The following GULP1 variants were observed in gnomAD, a reference collection of about 807,000 sequenced individuals.
GULP1 encodes GULP PTB domain containing engulfment adaptor 1, also known as PTB domain-containing engulfment adapter protein 1.
In GULP1, 19 loss-of-function variants were observed where a neutral mutation model predicts 40.9. The ratio of observed to expected loss-of-function variants is 0.46; its 90% confidence interval spans 0.32 to 0.68. GULP1 has a LOEUF of 0.68. Among genes scored for constraint, GULP1 ranks in the 30% least tolerant of loss-of-function variants. The pLI is 0.03. For missense variants in GULP1, 312 were observed against 362.2 expected (o/e 0.86, Z 1.12); for synonymous variants, 119 against 117.6 (o/e 1.01, Z -0.08).
chr2:188,447,031 G>A (rs967251339), intron 2 of GULP1, among the ~76,000 whole-genome samples: 1 of 152,114 alleles, frequency 6.6e-6, no homozygotes, highest in African/African-American at 2.4e-5. Context: ...AGGGAGACAC[G>A]AGACATCAAT....
intron 6 of GULP1, among the ~76,000 whole-genome samples, chr2:188,535,787 G>A (rs755178634): frequency 1.6e-4 from 25 of 152,028 alleles, no homozygotes; most frequent in Non-Finnish European, 3.2e-4. Context: ...TCTCCATAGT[G>A]GCTGAACTAA....
Position 188,476,926 on chromosome 2 carries a change from T to G in GULP1, c.-44-733T>G, listed in dbSNP as rs543860780. 9.2e-5 allele frequency among the ~76,000 whole-genome samples: 14 copies of G among 152,236 alleles called. No homozygotes were observed. The South Asian group carries it at 2.9e-3, about 32-fold the overall frequency. On this transcript the variant is annotated intron_variant, in intron 2 of 11. Transcript: ENST00000409830. ...TTGTTTTTTACACGAAGTCATTAAATATATAAAATGGAAATATCTCAATTG... is the reference window on the plus strand; with the variant it reads ...TTGTTTTTTACACGAAGTCATTAAAGATATAAAATGGAAATATCTCAATTG...
chr2:188,357,778 C>A lies in GULP1; in HGVS notation c.-171-25985C>A, dbSNP rs572075616. On this transcript the variant is annotated intron_variant, in intron 1 of 11. Coordinates refer to ENST00000409830, the MANE Select transcript of GULP1 (RefSeq NM_016315.4). ...TATTGTAGTGCTAATCAAGATATGTCCATTAACAATAGCCGAGATATGGAA... is the reference window on the plus strand; with the variant it reads ...TATTGTAGTGCTAATCAAGATATGTACATTAACAATAGCCGAGATATGGAA... Among the ~76,000 whole-genome samples, 13 of 152,102 alleles carry A rather than the reference C, an allele frequency of 8.5e-5. No homozygotes were observed. The South Asian group carries it at 2.7e-3, about 32-fold the overall frequency.
At chr2:188,426,080 C>T (rs2056159166) in intron 2 of GULP1, among the ~76,000 whole-genome samples, 1 of 152,084 alleles carries the variant, frequency 6.6e-6, no homozygotes, top group Non-Finnish European at 1.5e-5. Context: ...AGGCAAGTTA[C>T]AGGCAAATAC....
chr2:188,568,866 C>G (rs748042334), intron 7 of GULP1, among the ~76,000 whole-genome samples: 3 of 152,090 alleles, frequency 2.0e-5, no homozygotes, highest in Non-Finnish European at 2.9e-5. Flanking sequence ...ACATTTGGCA[C>G]TCTGCTTTCA....
At chr2:188,365,163 C>T (rs1216389438) in intron 1 of GULP1, among the ~76,000 whole-genome samples, 1 of 152,070 alleles carries the variant, frequency 6.6e-6, no homozygotes, top group Admixed American at 6.6e-5. Flanking sequence ...ATGCAGCTGG[C>T]TAGAAATATG....
At chr2:188,567,554 C>G (rs1350025299) in intron 7 of GULP1, among the ~76,000 whole-genome samples, 1 of 152,038 alleles carries the variant, frequency 6.6e-6, no homozygotes, top group Non-Finnish European at 1.5e-5. Context: ...AACCAAACAC[C>G]ACATGTTCTC....
chr2:188,592,468 C>CA (rs1703757017), intron 11 of GULP1: 1 of 151,762 alleles, frequency 6.6e-6, no homozygotes, highest in Non-Finnish European at 1.5e-5. Context: ...ATAAATATGG[C>CA]AAAATGTATT....
chr2:188,376,054 CA>C (rs1159217776), intron 1 of GULP1, among the ~76,000 whole-genome samples: 3 of 151,958 alleles, frequency 2.0e-5, no homozygotes, highest in Non-Finnish European at 4.4e-5. Flanking sequence ...ATTTCAGATG[CA>C]AACCCTGTGG....
intron 2 of GULP1, among the ~76,000 whole-genome samples, chr2:188,451,951 C>T (rs1373535600): frequency 1.3e-5 from 2 of 152,078 alleles, no homozygotes; most frequent in Non-Finnish European, 2.9e-5. Flanking sequence ...TAGGACATTT[C>T]TCCAGTGGAA....
At chr2:188,555,651 G>C (rs59306210) in intron 7 of GULP1, among the ~76,000 whole-genome samples, 1,737 of 152,096 alleles carry the variant, frequency 0.011, 39 homozygotes, top group African/African-American at 0.039. Flanking sequence ...CTTTATCTTT[G>C]ACTTTAGATA....
chr2:188,438,773 T>C (rs1389875256), intron 2 of GULP1, among the ~76,000 whole-genome samples: 1 of 151,942 alleles, frequency 6.6e-6, no homozygotes, highest in Non-Finnish European at 1.5e-5. Context: ...GTTTTCAGAC[T>C]GAAATAAATA....
chr2:188,401,660 T>A (rs2052314208), intron 2 of GULP1, among the ~76,000 whole-genome samples: 1 of 152,096 alleles, frequency 6.6e-6, no homozygotes, highest in Non-Finnish European at 1.5e-5. Flanking sequence ...CCTCAAAATA[T>A]ATATGGGGAT....
chr2:188,308,526 CTTTGT>C (rs1283977782), intron 1 of GULP1, among the ~76,000 whole-genome samples: 2 of 152,066 alleles, frequency 1.3e-5, no homozygotes, highest in African/African-American at 2.4e-5. Context: ...TGCACTAGAG[CTTTGT>C]TTTATGTCCC....
intron 4 of GULP1, among the ~76,000 whole-genome samples, chr2:188,504,296 T>C (rs925665860): frequency 1.3e-5 from 2 of 151,934 alleles, no homozygotes; most frequent in African/African-American, 4.8e-5. Context: ...TAGAAATTCA[T>C]TGGGACTTTT....
chr2:188,488,003 A>G (rs1410545755), intron 4 of GULP1, among the ~76,000 whole-genome samples: 1 of 151,998 alleles, frequency 6.6e-6, no homozygotes. Flanking sequence ...CATCCCCTCC[A>G]CACACAAAAT....
At chr2:188,581,879 G>A (rs1701398017) in intron 9 of GULP1, among the ~76,000 whole-genome samples, 2 of 152,050 alleles carry the variant, frequency 1.3e-5, no homozygotes, top group South Asian at 4.2e-4. Flanking sequence ...AATGTTTTGA[G>A]GATTAAATAT....
At chr2:188,422,081 CTTT>C (rs1278413091) in intron 2 of GULP1, among the ~76,000 whole-genome samples, 4 of 136,420 alleles carry the variant, frequency 2.9e-5, no homozygotes, top group Non-Finnish European at 6.3e-5. Flanking sequence ...GCTGGACACA[CTTT>C]TTTTTTTTTT....
chr2:188,325,557 A>G (rs1235667474), intron 1 of GULP1, among the ~76,000 whole-genome samples: 1 of 152,078 alleles, frequency 6.6e-6, no homozygotes, highest in Admixed American at 6.6e-5. Flanking sequence ...CTTTTTCATT[A>G]TTAGTAATTA....
Sources: gnomAD v4.1 joint callset for allele counts (sites outside exome capture counted in the v4.1 genomes callset) on GRCh38, gnomAD v4.1.1 for gene constraint, MANE v1.5 for transcripts, NCBI Gene and HGNC (gene_info 2026-07-23, HGNC 2026-07-21) for gene names.